CENPP: variants seen among roughly 807,000 people sequenced by gnomAD.
CENPP encodes the protein centromere protein P.
A neutral mutation model predicts 35.6 loss-of-function variants in CENPP; 24 were observed. That is an observed-to-expected ratio of 0.67 (90% CI 0.49 to 0.95). The LOEUF is 0.95. Among genes scored for constraint, CENPP ranks in the 40% least tolerant of loss-of-function variants. The probability of loss-of-function intolerance (pLI) is 0.00; values close to 1 mark genes in which losing one functional copy is unlikely to be tolerated. For missense variants in CENPP, 332 were observed against 345.3 expected (o/e 0.96, Z 0.31); for synonymous variants, 120 against 125.5 (o/e 0.96, Z 0.29).
intron 5 of CENPP, among the ~76,000 whole-genome samples, chr9:92,408,133 A>T (rs1165144706): frequency 6.6e-6 from 1 of 152,140 alleles, no homozygotes; most frequent in Admixed American, 6.5e-5. Flanking sequence ...TCATTCTCTA[A>T]CTTTGTAGGA....
At chr9:92,360,142 A>C in intron 4 of CENPP, among the ~76,000 whole-genome samples, 1 of 152,146 alleles carries the variant, frequency 6.6e-6, no homozygotes, top group Non-Finnish European at 1.5e-5. Flanking sequence ...CTTTTAATTT[A>C]TTTCATTCAC....
chr9:92,502,195 C>T (rs1000736967), intron 5 of CENPP, among the ~76,000 whole-genome samples: 10 of 152,172 alleles, frequency 6.6e-5, no homozygotes, highest in African/African-American at 2.2e-4. Context: ...GGGCAGACCT[C>T]GAAGTCAGAC....
rs182445972 is a variant in CENPP, at chr9:92,458,268, G to A, written c.564+78409G>A. On this transcript the variant is annotated intron_variant, in intron 5 of 7. Transcript: ENST00000375587. ...TCTTCTTTGGCCTTTTTTGGTAACA[G>A]TGAGATTTCTGGGAAATAAAAGCAA... Among the ~76,000 whole-genome samples the A allele has an allele frequency of 1.2e-4, 18 of 152,226 alleles. No individual in the cohort carries two copies. In the East Asian group the frequency reaches 3.5e-3, roughly 29 times the overall value.
intron 5 of CENPP, chr9:92,512,076 A>G (rs1311250536): frequency 1.2e-6 from 2 of 1,613,778 alleles, no homozygotes; most frequent in Non-Finnish European, 1.7e-6. Flanking sequence ...AGCCTTTCCA[A>G]ATTTGGTAAT....
chr9:92,611,856 G>A lies in CENPP; in HGVS notation c.644+463G>A, dbSNP rs549558857. 3.3e-5 allele frequency among the ~76,000 whole-genome samples: 5 copies of A among 152,364 alleles called. No individual in the cohort carries two copies. In the South Asian group the frequency reaches 1.0e-3, roughly 32 times the overall value. On this transcript the variant is annotated intron_variant, in intron 6 of 7. Coordinates refer to ENST00000375587, the MANE Select transcript of CENPP (RefSeq NM_001012267.3). ...CCATCCTCTTCCCTTGGCTGTGCATGTGTGGACATGTATCCATCTGGGTGT... is the reference window on the plus strand; with the variant it reads ...CCATCCTCTTCCCTTGGCTGTGCATATGTGGACATGTATCCATCTGGGTGT...
intron 5 of CENPP, among the ~76,000 whole-genome samples, chr9:92,395,108 T>C (rs1302922812): frequency 1.3e-5 from 2 of 152,144 alleles, no homozygotes; most frequent in Admixed American, 6.5e-5. Flanking sequence ...TTTTTACATA[T>C]GTACACCCCC....
chr9:92,547,410 G>A (rs1214533628), intron 5 of CENPP, among the ~76,000 whole-genome samples: 1 of 152,208 alleles, frequency 6.6e-6, no homozygotes, highest in Non-Finnish European at 1.5e-5. Context: ...CTAAATGTTT[G>A]TCAACTGTTG....
chr9:92,385,607 G>A, intron 5 of CENPP: 1 of 1,608,542 alleles, frequency 6.2e-7, no homozygotes, highest in Non-Finnish European at 8.5e-7. Context: ...TTTATATGTT[G>A]TACCAATAGA....
intron 5 of CENPP, among the ~76,000 whole-genome samples, chr9:92,486,350 G>A (rs1451521948): frequency 6.6e-6 from 1 of 152,220 alleles, no homozygotes; most frequent in Non-Finnish European, 1.5e-5. Context: ...AGGCACTTCG[G>A]TTTCTAATGA....
chr9:92,408,812 C>A (rs983908643), intron 5 of CENPP, among the ~76,000 whole-genome samples: 1 of 152,102 alleles, frequency 6.6e-6, no homozygotes, highest in African/African-American at 2.4e-5. Context: ...GTTGGGGAAG[C>A]AAAATCATTC....
intron 5 of CENPP, among the ~76,000 whole-genome samples, chr9:92,533,610 T>C (rs967898611): frequency 6.6e-6 from 1 of 151,946 alleles, no homozygotes; most frequent in African/African-American, 2.4e-5. Flanking sequence ...GGTCTAATGA[T>C]CTGACTTGCC....
intron 4 of CENPP, among the ~76,000 whole-genome samples, chr9:92,347,321 A>G (rs1278659243): frequency 6.6e-6 from 1 of 152,254 alleles, no homozygotes; most frequent in African/African-American, 2.4e-5. Context: ...TACAAAAGGA[A>G]GAGTAGTGAG....
chr9:92,464,387 T>C (rs1845226900), intron 5 of CENPP, among the ~76,000 whole-genome samples: 1 of 152,234 alleles, frequency 6.6e-6, no homozygotes, highest in Admixed American at 6.5e-5. Flanking sequence ...TGCTGGATGT[T>C]GTCCTCAGAC....
In CENPP at chr9:92,616,041, C is replaced by T. The variant is rs748223421; in HGVS notation, c.*2892C>T. 9 of 1,613,904 alleles carry T rather than the reference C, an allele frequency of 5.6e-6. 1 individual carries two copies. The South Asian group carries it at 7.7e-5, about 14-fold the overall frequency. On this transcript the variant is annotated 3_prime_UTR_variant, in exon 8 of 8. Transcript: ENST00000375587. ...AACCTGGACCTCGATGAAGGGACGA[C>T]AGGCCTTTGATCAGAGCTGCAAGTA...
chr9:92,553,044 G>A (rs1278397645), intron 5 of CENPP, among the ~76,000 whole-genome samples: 1 of 150,846 alleles, frequency 6.6e-6, no homozygotes, highest in African/African-American at 2.4e-5. Context: ...ATAGTTTCAC[G>A]TCTTAGGTTT....
intron 5 of CENPP, chr9:92,514,938 G>A (rs777469127): frequency 6.2e-7 from 1 of 1,613,872 alleles, no homozygotes; most frequent in Non-Finnish European, 8.5e-7. Context: ...TCTGCTTTCT[G>A]TCTCCTCCTC....
rs1023241827 is a variant in CENPP, at chr9:92,354,608, C to G, written c.467+8821C>G. 2.6e-5 allele frequency among the ~76,000 whole-genome samples: 4 copies of G among 152,318 alleles called. No individual in the cohort carries two copies. In the East Asian group the frequency reaches 7.7e-4, roughly 29 times the overall value. The stretch of plus-strand genomic sequence containing the variant: ...CTCCTGGACTCTTGCTATCCTCCTG[C>G]CTTGTCCTCCCAAAGTTCTGGGATT... On this transcript the variant is annotated intron_variant, in intron 4 of 7. Transcript: ENST00000375587.
At chr9:92,570,510 G>A (rs180910238) in intron 5 of CENPP, among the ~76,000 whole-genome samples, 5 of 152,298 alleles carry the variant, frequency 3.3e-5, no homozygotes, top group Admixed American at 3.3e-4. Flanking sequence ...TTGCATCAAT[G>A]TTCATCAGGG....
At chr9:92,419,396 G>A (rs2130965025) in intron 5 of CENPP, among the ~76,000 whole-genome samples, 1 of 151,050 alleles carries the variant, frequency 6.6e-6, no homozygotes, top group East Asian at 1.9e-4. Flanking sequence ...CACCTCCTGG[G>A]TTTAAGCAAT....
Sources: allele counts gnomAD v4.1 joint callset (sites outside exome capture counted in the v4.1 genomes callset), GRCh38; gene constraint gnomAD v4.1.1; transcripts MANE v1.5; gene names NCBI Gene and HGNC (gene_info 2026-07-23, HGNC 2026-07-21).